RREB1: variants seen among roughly 807,000 people sequenced by gnomAD.
RREB1 encodes the protein ras responsive element binding protein 1.
In RREB1, 27 loss-of-function variants were observed where a neutral mutation model predicts 117.8. The ratio of observed to expected loss-of-function variants is 0.23; its 90% CI spans 0.17 to 0.32. The LOEUF (loss-of-function observed/expected upper bound fraction) is 0.32, where lower values mean the gene tolerates loss of function less well. Ranked by LOEUF, RREB1 falls within the 10% of genes least tolerant of loss-of-function variation. The pLI is 1.00. For missense variants in RREB1, 2,577 were observed against 2,378.2 expected (o/e 1.08, Z -1.74); for synonymous variants, 1,298 against 1,026.7 (o/e 1.26, Z -5.05).
In RREB1 at chr6:7,248,663, A is replaced by C. The variant is rs1032809847; in HGVS notation, c.4924A>C (p.Asn1642His). The change falls in exon 13 of 13, where the codon AAT becomes CAT. Residue 1642 changes from asparagine to histidine, a missense_variant. Coordinates refer to ENST00000379938, the MANE Select transcript of RREB1 (RefSeq NM_001003699.4). ...AGAGCGGGGTGAGGAGGACAGCGAG[A>C]ATGAGTCCACCCACAGCGGCAACAA... ...KEERGEEDSE[N>H]ESTHSGNNAV... 5 of 1,614,114 alleles carry C rather than the reference A, an allele frequency of 3.1e-6. No individual in the cohort carries two copies. Among genetic ancestry groups the C allele is most frequent in the Non-Finnish European group, 4.2e-6 (5 of 1,180,018 alleles).
chr6:7,141,271 G>A (rs542510630), intron 1 of RREB1, among the ~76,000 whole-genome samples: 11 of 152,184 alleles, frequency 7.2e-5, no homozygotes, highest in Admixed American at 3.9e-4. Context: ...TCGCGCTGGC[G>A]TTCCCCCGTG....
chr6:7,172,927 A>AGACTC (rs1764295806), intron 1 of RREB1, among the ~76,000 whole-genome samples: 1 of 152,164 alleles, frequency 6.6e-6, no homozygotes, highest in African/African-American at 2.4e-5. Context: ...AGCCTAGCCA[A>AGACTC]GACTCAGCCC....
At chr6:7,156,028 T>G (rs1261588541) in intron 1 of RREB1, among the ~76,000 whole-genome samples, 1 of 152,218 alleles carries the variant, frequency 6.6e-6, no homozygotes, top group Admixed American at 6.5e-5. Context: ...GCTGCTAAGC[T>G]TTGTATAACT....
chr6:7,167,738 T>C (rs1447495180), intron 1 of RREB1, among the ~76,000 whole-genome samples: 1 of 152,168 alleles, frequency 6.6e-6, no homozygotes, highest in African/African-American at 2.4e-5. Context: ...AGGAGAATCA[T>C]CCCAGGGACT....
chr6:7,166,487 G>A (rs948464229), intron 1 of RREB1, among the ~76,000 whole-genome samples: 1 of 152,144 alleles, frequency 6.6e-6, no homozygotes, highest in Non-Finnish European at 1.5e-5. Flanking sequence ...ATGGCGGAGG[G>A]CAGCCCATGC....
intron 1 of RREB1, among the ~76,000 whole-genome samples, chr6:7,173,776 G>A (rs1263729634): frequency 6.6e-6 from 1 of 151,438 alleles, no homozygotes; most frequent in Non-Finnish European, 1.5e-5. Context: ...TTTCAGCCTT[G>A]GCGACAGAAA....
intron 1 of RREB1, among the ~76,000 whole-genome samples, chr6:7,152,458 G>C (rs1763167283): frequency 6.6e-6 from 1 of 152,182 alleles, no homozygotes; most frequent in Non-Finnish European, 1.5e-5. Flanking sequence ...AACAGTTGCT[G>C]AATAGCTATG....
At chr6:7,174,392 G>T (rs1003279698) in intron 1 of RREB1, among the ~76,000 whole-genome samples, 1 of 152,074 alleles carries the variant, frequency 6.6e-6, no homozygotes, top group Admixed American at 6.5e-5. Context: ...TCTCAGCCTA[G>T]CCCTCTTTCT....
At chr6:7,158,974 CA>C (rs1327626048) in intron 1 of RREB1, among the ~76,000 whole-genome samples, 1 of 152,128 alleles carries the variant, frequency 6.6e-6, no homozygotes, top group Non-Finnish European at 1.5e-5. Context: ...CCCTACCCTC[CA>C]AACACCTTTA....
At chr6:7,238,721 AC>A (rs1389916961) in intron 10 of RREB1, among the ~76,000 whole-genome samples, 1 of 152,124 alleles carries the variant, frequency 6.6e-6, no homozygotes, top group Non-Finnish European at 1.5e-5. Flanking sequence ...TTGTGGAGCT[AC>A]TCAGAAGCAC....
At chr6:7,117,225 G>C (rs923524979) in intron 1 of RREB1, among the ~76,000 whole-genome samples, 1 of 151,828 alleles carries the variant, frequency 6.6e-6, no homozygotes, top group Non-Finnish European at 1.5e-5. Flanking sequence ...CCTTTATTCT[G>C]ACACTTCAGT....
intron 11 of RREB1, among the ~76,000 whole-genome samples, chr6:7,241,881 A>G (rs1345920240): frequency 1.3e-5 from 2 of 152,250 alleles, no homozygotes; most frequent in Admixed American, 1.3e-4. Context: ...GTGAAGAAAG[A>G]TGTGGGTGCC....
At chr6:7,199,243 G>T (rs186038177) in intron 6 of RREB1, among the ~76,000 whole-genome samples, 179 of 152,268 alleles carry the variant, frequency 1.2e-3, no homozygotes, top group African/African-American at 4.2e-3. Context: ...TTCATCTTTA[G>T]TGGGGGTAAC....
rs752738732 is a variant in RREB1 at position 7,240,419 on chromosome 6, A to T, written c.3809-19A>T. 15 of 1,593,852 alleles carry T rather than the reference A, an allele frequency of 9.4e-6. No individual in the cohort carries two copies. Among genetic ancestry groups the T allele is most frequent in the African/African-American group, 6.8e-5 (5 of 73,930 alleles). ...GCAGTAGAAAGCCAGATAAATATAT[A>T]TTTTTTTTCCTGCTTCAGGTCAGAA... On this transcript the variant is annotated intron_variant, in intron 10 of 12. Coordinates refer to ENST00000379938, the MANE Select transcript of RREB1 (RefSeq NM_001003699.4).
chr6:7,150,848 T>C (rs1243274043), intron 1 of RREB1, among the ~76,000 whole-genome samples: 1 of 152,212 alleles, frequency 6.6e-6, no homozygotes, highest in East Asian at 1.9e-4. Flanking sequence ...GCATTTGAGA[T>C]GGTGTGCTTG....
chr6:7,219,199 A>C (rs1767097598), intron 8 of RREB1: 1 of 151,418 alleles, frequency 6.6e-6, no homozygotes, highest in Non-Finnish European at 1.5e-5. Flanking sequence ...GAATCCGGGA[A>C]GTAGAGGTTG....
At chr6:7,237,045 C>T (rs1213175053) in intron 10 of RREB1, among the ~76,000 whole-genome samples, 2 of 151,848 alleles carry the variant, frequency 1.3e-5, no homozygotes, top group East Asian at 1.9e-4. Flanking sequence ...GCCTCAGCTT[C>T]CCAAGTAGCT....
chr6:7,249,043 C>G lies in RREB1; in HGVS notation c.*75C>G, dbSNP rs1429621552. The stretch of plus-strand genomic sequence containing the variant: ...TATACTTCATGGGGTTTCCTCAGTG[C>G]CCTTTGGCTGTTGAGGAGTGAGAGA... On this transcript the variant is annotated 3_prime_UTR_variant, in exon 13 of 13. Transcript: ENST00000379938. The G allele has an allele frequency of 9.5e-7, 1 of 1,051,952 alleles. No homozygotes were observed. Among genetic ancestry groups the G allele is most frequent in the Non-Finnish European group, 1.3e-6 (1 of 755,152 alleles). The allele number at this position is 1,051,952 out of a possible 1,614,324, so 65.2% of individuals were successfully genotyped here.
rs549172556 is a variant in RREB1, at chr6:7,231,118, C to A, written c.3019C>A (p.Pro1007Thr). ...PAATPEPPAQPLQGPVQLAVP... is the reference protein window; with the variant it reads ...PAATPEPPAQTLQGPVQLAVP... Reference sequence around the variant, plus strand: ...GGCCACCCCGGAACCCCCAGCACAGCCCCTGCAGGGCCCTGTTCAGCTGGC... The same window carrying A: ...GGCCACCCCGGAACCCCCAGCACAGACCCTGCAGGGCCCTGTTCAGCTGGC... The change falls in exon 10 of 13, where the codon CCC becomes ACC. Residue 1007 changes from proline (P) to threonine (T), a missense_variant. Transcript: ENST00000379938. 20 of 1,612,864 alleles carry A rather than the reference C, an allele frequency of 1.2e-5. No homozygotes were observed. The South Asian group carries it at 2.0e-4, about 16-fold the overall frequency.
Sources: allele counts gnomAD v4.1 joint callset (sites outside exome capture counted in the v4.1 genomes callset), GRCh38; gene constraint gnomAD v4.1.1; transcripts MANE v1.5; gene names NCBI Gene and HGNC (gene_info 2026-07-23, HGNC 2026-07-21).